NOL4L: variants seen among roughly 807,000 people sequenced by gnomAD.
The protein encoded by NOL4L is nucleolar protein 4 like, also known as nucleolar protein 4-like.
Under a neutral mutation model 64.5 loss-of-function variants are expected in NOL4L, and 7 were observed. That is an observed-to-expected ratio of 0.11 (90% CI 0.06 to 0.20). The LOEUF is 0.20. NOL4L is among the 10% of genes least tolerant of loss of function. The pLI is 1.00. For missense variants in NOL4L, 680 were observed against 967.1 expected, an observed-to-expected ratio of 0.70 and a Z score of 3.94; for synonymous variants, 413 against 401.0, an observed-to-expected ratio of 1.03 and a Z score of -0.36.
chr20:32,512,343 C>A (rs895573623), intron 3 of NOL4L, among the ~76,000 whole-genome samples: 14 of 152,198 alleles, frequency 9.2e-5, no homozygotes, highest in African/African-American at 3.4e-4. Flanking sequence ...GCCACTCTCA[C>A]CTCACCCAAT....
chr20:32,452,862 T>TA, intron 9 of NOL4L, 22 bp downstream of exon 9: 1 of 1,613,148 alleles, frequency 6.2e-7, no homozygotes. Flanking sequence ...GCGGCCCCTG[T>TA]AGTGGCTGCG....
At chr20:32,501,257 G>A (rs2016912774) in intron 4 of NOL4L, among the ~76,000 whole-genome samples, 1 of 152,020 alleles carries the variant, frequency 6.6e-6, no homozygotes, top group African/African-American at 2.4e-5. Flanking sequence ...CCATAACCCC[G>A]GTTTTATATA....
intron 4 of NOL4L, among the ~76,000 whole-genome samples, chr20:32,483,026 G>T (rs1026095298): frequency 9.9e-5 from 15 of 150,992 alleles, no homozygotes; most frequent in African/African-American, 3.6e-4. Flanking sequence ...CGGGAGTGGG[G>T]TGCGCCCCGC....
At chr20:32,482,620 G>A (rs905285214) in intron 4 of NOL4L, among the ~76,000 whole-genome samples, 4 of 140,204 alleles carry the variant, frequency 2.9e-5, no homozygotes, top group Non-Finnish European at 6.3e-5. Flanking sequence ...GCCCCGCCGT[G>A]TCCCCTCATT....
chr20:32,548,872 T>C (rs1295267197), intron 1 of NOL4L: 6 of 449,908 alleles, frequency 1.3e-5, no homozygotes, highest in Admixed American at 7.4e-5. Context: ...ATCCATAAAA[T>C]TGAATACTAC....
chr20:32,558,568 C>A (rs1477314368), intron 1 of NOL4L, among the ~76,000 whole-genome samples: 1 of 152,170 alleles, frequency 6.6e-6, no homozygotes, highest in Non-Finnish European at 1.5e-5. Context: ...GATCACACAG[C>A]CGGCTGGGTA....
At chr20:32,467,914 C>G (rs561206089) in intron 5 of NOL4L, among the ~76,000 whole-genome samples, 6 of 152,174 alleles carry the variant, frequency 3.9e-5, no homozygotes, top group African/African-American at 1.4e-4. Flanking sequence ...CTGTAAATAC[C>G]GAGCCCTGGG....
chr20:32,503,053 G>A (rs1442021334), intron 4 of NOL4L, among the ~76,000 whole-genome samples: 1 of 152,216 alleles, frequency 6.6e-6, no homozygotes, highest in Non-Finnish European at 1.5e-5. Context: ...CAAGGTAGAA[G>A]CTCACAGCGG....
chr20:32,482,200 G>C (rs1308155111), intron 4 of NOL4L, among the ~76,000 whole-genome samples: 4 of 151,954 alleles, frequency 2.6e-5, no homozygotes, highest in African/African-American at 9.7e-5. Context: ...TGGGTTTGTG[G>C]CTTCTCCATT....
intron 3 of NOL4L, among the ~76,000 whole-genome samples, chr20:32,515,160 G>T (rs1276503486): frequency 6.6e-6 from 1 of 152,102 alleles, no homozygotes; most frequent in Non-Finnish European, 1.5e-5. Context: ...TCCTTGGCCT[G>T]TTCCCACCCC....
chr20:32,470,104 A>G (rs1335544019), intron 5 of NOL4L, among the ~76,000 whole-genome samples: 1 of 152,230 alleles, frequency 6.6e-6, no homozygotes, highest in Non-Finnish European at 1.5e-5. Flanking sequence ...CAGAAGGCGG[A>G]TGCAGGCCCA....
rs974925918 is a variant in NOL4L, at chr20:32,472,560, G to A, written c.841+2041C>T. Among the ~76,000 whole-genome samples the A allele has an allele frequency of 3.9e-5, 6 of 152,218 alleles. No homozygotes were observed. In the East Asian group the frequency reaches 5.8e-4, roughly 15 times the overall value. On this transcript the variant is annotated intron_variant, in intron 5 of 10. Coordinates refer to ENST00000621426, the MANE Select transcript of NOL4L (RefSeq NM_001256798.2). Reference sequence around the variant, plus strand: ...GAGCTGGACCTCACATTTCTGCACCGTGAGCACCTTCAAGAGGGGCTGGTT... The same window carrying A: ...GAGCTGGACCTCACATTTCTGCACCATGAGCACCTTCAAGAGGGGCTGGTT...
chr20:32,560,285 C>G (rs1457061184), intron 1 of NOL4L, among the ~76,000 whole-genome samples: 1 of 152,174 alleles, frequency 6.6e-6, no homozygotes, highest in African/African-American at 2.4e-5. Flanking sequence ...CTAATCCTCC[C>G]GACAAGAGAT....
intron 1 of NOL4L, among the ~76,000 whole-genome samples, chr20:32,540,067 G>A (rs1345666097): frequency 2.0e-5 from 3 of 152,208 alleles, no homozygotes; most frequent in South Asian, 2.1e-4. Context: ...AGCTTGCCTC[G>A]GGTGTGAACA....
chr20:32,467,900 G>T (rs1328352302), intron 5 of NOL4L, among the ~76,000 whole-genome samples: 2 of 152,190 alleles, frequency 1.3e-5, no homozygotes, highest in Non-Finnish European at 2.9e-5. Context: ...CAACAGCACT[G>T]CTGCTGTAAA....
intron 1 of NOL4L, among the ~76,000 whole-genome samples, chr20:32,540,534 G>A (rs1600857645): frequency 6.6e-6 from 1 of 152,246 alleles, no homozygotes; most frequent in South Asian, 2.1e-4. Flanking sequence ...CACCTGCCCA[G>A]CACCGACCTT....
At chr20:32,572,333 A>T (rs1018025063) in intron 1 of NOL4L, 1 of 152,224 alleles carries the variant, frequency 6.6e-6, no homozygotes, top group East Asian at 1.9e-4. Flanking sequence ...GCACTTCCTA[A>T]GCACTGGGCA....
chr20:32,514,114 T>C (rs1461656641), intron 3 of NOL4L, among the ~76,000 whole-genome samples: 1 of 152,170 alleles, frequency 6.6e-6, no homozygotes, highest in Admixed American at 6.5e-5. Flanking sequence ...TTGAATAAAG[T>C]TTTACAGGAA....
intron 1 of NOL4L, among the ~76,000 whole-genome samples, chr20:32,554,060 C>T (rs1167188954): frequency 6.6e-6 from 1 of 152,160 alleles, no homozygotes; most frequent in Non-Finnish European, 1.5e-5. Context: ...GTGGCTCACA[C>T]CTGTAATCCC....
Sources: gnomAD v4.1 joint callset for allele counts (sites outside exome capture counted in the v4.1 genomes callset) on GRCh38, gnomAD v4.1.1 for gene constraint, MANE v1.5 for transcripts, NCBI Gene and HGNC (gene_info 2026-07-23, HGNC 2026-07-21) for gene names.